PCBP2: variants seen among roughly 807,000 people sequenced by gnomAD.
PCBP2 encodes the protein poly(rC)-binding protein 2.
A neutral mutation model predicts 50.1 loss-of-function variants in PCBP2; 4 were observed. That is an observed-to-expected ratio of 0.08 (90% confidence interval 0.04 to 0.18). The LOEUF (loss-of-function observed/expected upper bound fraction) is 0.18, where lower values mean the gene tolerates loss of function less well. Ranked by LOEUF, PCBP2 falls within the 10% of genes least tolerant of loss-of-function variation. The probability of loss-of-function intolerance (pLI) is 1.00; values close to 1 mark genes in which losing one functional copy is unlikely to be tolerated. For synonymous variants in PCBP2, 179 were observed against 168.0 expected (o/e 1.07, Z -0.51); for missense variants, 161 against 474.3 (o/e 0.34, Z 6.14).
At chr12:53,463,072 C>G (rs989742435) in intron 8 of PCBP2, among the ~76,000 whole-genome samples, 5 of 152,154 alleles carry the variant, frequency 3.3e-5, no homozygotes, top group Admixed American at 1.3e-4. Context: ...CTCTTAACCT[C>G]ATAAACACTG....
At chr12:53,464,674 A>G in intron 8 of PCBP2, 86 bp from the exon 9 acceptor site, 1 of 1,534,642 alleles carries the variant, frequency 6.5e-7, no homozygotes, top group African/African-American at 1.4e-5. Context: ...GAAAAAAATA[A>G]ACAACTTTTT....
At chr12:53,468,625 C>T in intron 12 of PCBP2, 152 bp from the exon 13 acceptor site, 1 of 660,382 alleles carries the variant, frequency 1.5e-6, no homozygotes, top group Non-Finnish European at 2.7e-6. Context: ...CTCCCCCACT[C>T]TTTCCTCTTT....
At chr12:53,472,915 C>CAACA (rs1172202534) in intron 14 of PCBP2, among the ~76,000 whole-genome samples, 2 of 152,096 alleles carry the variant, frequency 1.3e-5, no homozygotes, top group Admixed American at 6.5e-5. Context: ...CACACTAGGT[C>CAACA]CTTAATGTTG....
intron 13 of PCBP2, among the ~76,000 whole-genome samples, chr12:53,469,453 GCTCA>G: frequency 6.6e-6 from 1 of 152,000 alleles, no homozygotes; most frequent in Admixed American, 6.5e-5. Context: ...GGGCACGGTG[GCTCA>G]CTCCTGTAAT....
intron 9 of PCBP2, 55 bp from the exon 10 acceptor site, chr12:53,465,877 C>T: frequency 7.0e-7 from 1 of 1,428,142 alleles, no homozygotes; most frequent in Non-Finnish European, 9.9e-7. Flanking sequence ...TTTCCCCCCA[C>T]TGGGTGGCTG....
chr12:53,460,031 A>G (rs1941339403), intron 6 of PCBP2: 2 of 284,092 alleles, frequency 7.0e-6, no homozygotes, highest in South Asian at 2.7e-5. Context: ...TGTTATTACT[A>G]CAGGCTTGAG....
chr12:53,455,329 T>G lies in PCBP2; in HGVS notation c.70-18T>G. Reference sequence around the variant, plus strand: ...CTTCTGAGTTTCCTCTTACTGACGTTAGTTTTCTCCATTGCAGGAAGTTGG... The same window carrying G: ...CTTCTGAGTTTCCTCTTACTGACGTGAGTTTTCTCCATTGCAGGAAGTTGG... On this transcript the variant is annotated intron_variant, in intron 2 of 14. Coordinates refer to ENST00000546463, the MANE Select transcript of PCBP2 (RefSeq NM_031989.5). 7 of 1,611,340 alleles carry G rather than the reference T, an allele frequency of 4.3e-6. No individual in the cohort carries two copies. The highest frequency in any genetic ancestry group is 5.9e-6 in the Non-Finnish European group (7 of 1,178,110).
chr12:53,478,240 T>TG (rs1379708812), intron 14 of PCBP2, among the ~76,000 whole-genome samples: 5 of 152,212 alleles, frequency 3.3e-5, no homozygotes, highest in South Asian at 2.1e-4. Context: ...CCGGGTGTGG[T>TG]GGCTCATGCC....
chr12:53,459,721 A>G (rs1941305247), intron 6 of PCBP2: 1 of 275,828 alleles, frequency 3.6e-6, no homozygotes, highest in Admixed American at 4.5e-5. Context: ...TGAGTTTGCT[A>G]TAGTAGCAAC....
intron 13 of PCBP2, among the ~76,000 whole-genome samples, 178 bp from the exon 14 acceptor site, chr12:53,471,460 C>T (rs1942229098): frequency 6.7e-6 from 1 of 149,922 alleles, no homozygotes; most frequent in African/African-American, 2.5e-5. Context: ...CGCCTGTAGT[C>T]CTGCTGAGGC....
chr12:53,477,328 C>T (rs1194635449), intron 14 of PCBP2, among the ~76,000 whole-genome samples: 1 of 152,014 alleles, frequency 6.6e-6, no homozygotes, highest in Non-Finnish European at 1.5e-5. Context: ...TTCCTTAGAT[C>T]ATTGTGTTTT....
chr12:53,460,053 G>C, intron 6 of PCBP2: 1 of 226,942 alleles, frequency 4.4e-6, no homozygotes, highest in Non-Finnish European at 9.4e-6. Flanking sequence ...CAGCACACTT[G>C]CTTGCCTGCA....
chr12:53,478,360 T>C (rs911758551), intron 14 of PCBP2, among the ~76,000 whole-genome samples: 1 of 151,780 alleles, frequency 6.6e-6, no homozygotes, highest in African/African-American at 2.4e-5. Context: ...ATACAAAAAT[T>C]AGCTGGGCAT....
chr12:53,458,884 C>T (rs115208597), intron 5 of PCBP2, among the ~76,000 whole-genome samples: 17 of 152,270 alleles, frequency 1.1e-4, no homozygotes, highest in African/African-American at 4.1e-4. Context: ...AAATGATTCA[C>T]CTGCTTCAGC....
chr12:53,468,634 T>G, intron 12 of PCBP2, 143 bp from the exon 13 acceptor site: 1 of 687,908 alleles, frequency 1.5e-6, no homozygotes, highest in Non-Finnish European at 2.6e-6. Flanking sequence ...TCTTTCCTCT[T>G]TGGAGGCTTC....
In PCBP2 at chr12:53,467,271, G is replaced by A. The variant is rs1315573262; in HGVS notation, c.765G>A (p.Thr255=). ...LAMQQSHFPM[T]HGNTGFSGIE... ...TGCAACAGTCTCATTTTCCCATGAC[G>A]CATGGCAACACCGGATTCAGTGGTA... The change falls in exon 11 of 15, where the codon ACG becomes ACA. Residue 255 remains threonine, a synonymous_variant. Coordinates refer to ENST00000546463, the MANE Select transcript of PCBP2 (RefSeq NM_031989.5). 7 of 1,613,810 alleles carry A rather than the reference G, an allele frequency of 4.3e-6. No homozygotes were observed. Among genetic ancestry groups the A allele is most frequent in the Non-Finnish European group, 5.1e-6 (6 of 1,179,726 alleles).
chr12:53,466,124 G>C (rs1941802374), intron 10 of PCBP2, 151 bp downstream of exon 10: 2 of 718,578 alleles, frequency 2.8e-6, no homozygotes, highest in South Asian at 3.3e-5. Context: ...CCATATTTTA[G>C]CCCTTTAATC....
intron 6 of PCBP2, chr12:53,459,732 G>A: frequency 3.6e-6 from 1 of 279,758 alleles, no homozygotes; most frequent in South Asian, 3.1e-5. Context: ...TAGTAGCAAC[G>A]GTTTTTCTAT....
chr12:53,464,284 C>T (rs1445495185), intron 8 of PCBP2, among the ~76,000 whole-genome samples: 1 of 151,974 alleles, frequency 6.6e-6, no homozygotes, highest in African/African-American at 2.4e-5. Flanking sequence ...CACACCTCCC[C>T]CTTCATACCT....
Sources: gnomAD v4.1 joint callset for allele counts (sites outside exome capture counted in the v4.1 genomes callset) on GRCh38, gnomAD v4.1.1 for gene constraint, MANE v1.5 for transcripts, NCBI Gene and HGNC (gene_info 2026-07-23, HGNC 2026-07-21) for gene names.